ZFPM2: variants seen among roughly 807,000 people sequenced by gnomAD.
The protein encoded by ZFPM2 is zinc finger protein, FOG family member 2.
Under a neutral mutation model 98.6 loss-of-function variants are expected in ZFPM2, and 20 were observed. That is an observed-to-expected ratio of 0.20 (90% CI 0.14 to 0.29). The LOEUF (loss-of-function observed/expected upper bound fraction) is 0.29, where lower values mean the gene tolerates loss of function less well. ZFPM2 is among the 10% of genes least tolerant of loss of function. ZFPM2 has a pLI of 1.00. For synonymous variants in ZFPM2, 518 were observed against 502.7 expected, an observed-to-expected ratio of 1.03 and a Z score of -0.41; for missense variants, 1,310 against 1,388.6, an observed-to-expected ratio of 0.94 and a Z score of 0.90.
chr8:105,327,446 C>G (rs889845486), intron 1 of ZFPM2, among the ~76,000 whole-genome samples: 2 of 151,530 alleles, frequency 1.3e-5, no homozygotes, highest in Non-Finnish European at 3.0e-5. Context: ...AAACTATTTG[C>G]TTCACTGTGG....
chr8:105,356,705 T>G (rs769561272), intron 1 of ZFPM2, among the ~76,000 whole-genome samples: 11 of 152,222 alleles, frequency 7.2e-5, no homozygotes, highest in Non-Finnish European at 1.2e-4. Context: ...TTTAGTTTGT[T>G]TTGTTTTCTC....
At chr8:105,705,447 C>T (rs1227620274) in intron 5 of ZFPM2, among the ~76,000 whole-genome samples, 1 of 152,130 alleles carries the variant, frequency 6.6e-6, no homozygotes, top group Non-Finnish European at 1.5e-5. Context: ...CCCAAATTCT[C>T]ATTCTACCTA....
intron 1 of ZFPM2, among the ~76,000 whole-genome samples, chr8:105,383,375 G>T (rs990924122): frequency 4.6e-5 from 7 of 152,136 alleles, no homozygotes; most frequent in African/African-American, 1.7e-4. Flanking sequence ...AGCATACAGA[G>T]TTACAGTCAA....
chr8:105,487,490 G>C (rs1458543185), intron 3 of ZFPM2, among the ~76,000 whole-genome samples: 1 of 152,014 alleles, frequency 6.6e-6, no homozygotes, highest in Non-Finnish European at 1.5e-5. Flanking sequence ...AAACTCCATG[G>C]TTCTACAGAA....
intron 5 of ZFPM2, among the ~76,000 whole-genome samples, chr8:105,763,685 A>G (rs1812787249): frequency 6.6e-6 from 1 of 151,914 alleles, no homozygotes; most frequent in South Asian, 2.1e-4. Context: ...AGATTGTCCA[A>G]GGTCACATAG....
intron 1 of ZFPM2, among the ~76,000 whole-genome samples, chr8:105,408,286 CT>C (rs1280644397): frequency 2.0e-5 from 3 of 151,734 alleles, no homozygotes; most frequent in African/African-American, 7.3e-5. Context: ...AAGTAAAAGT[CT>C]TTTTGAAGAT....
intron 2 of ZFPM2, among the ~76,000 whole-genome samples, chr8:105,421,364 G>A: frequency 6.6e-6 from 1 of 152,028 alleles, no homozygotes; most frequent in Non-Finnish European, 1.5e-5. Context: ...AGATAATTCT[G>A]TAATGTTTAA....
At chr8:105,539,276 A>G (rs1241220874) in intron 3 of ZFPM2, among the ~76,000 whole-genome samples, 2 of 152,194 alleles carry the variant, frequency 1.3e-5, no homozygotes, top group African/African-American at 4.8e-5. Flanking sequence ...GACACCATAA[A>G]TGGTAATACA....
At chr8:105,768,469 A>G (rs2131085784) in intron 5 of ZFPM2, among the ~76,000 whole-genome samples, 1 of 152,060 alleles carries the variant, frequency 6.6e-6, no homozygotes, top group South Asian at 2.1e-4. Flanking sequence ...CACACTTCAC[A>G]TGTGAATTAC....
intron 5 of ZFPM2, among the ~76,000 whole-genome samples, chr8:105,693,755 A>T (rs1283535269): frequency 6.6e-6 from 1 of 152,026 alleles, no homozygotes; most frequent in Non-Finnish European, 1.5e-5. Flanking sequence ...AATTTTTAAA[A>T]TTTTAGTTAT....
intron 1 of ZFPM2, among the ~76,000 whole-genome samples, chr8:105,369,634 C>A (rs1212886994): frequency 6.6e-6 from 1 of 152,066 alleles, no homozygotes; most frequent in Admixed American, 6.6e-5. Context: ...ACAATCTTCT[C>A]TTTGTTCTGT....
intron 3 of ZFPM2, among the ~76,000 whole-genome samples, chr8:105,554,236 G>A (rs1814931947): frequency 1.3e-5 from 2 of 152,104 alleles, no homozygotes; most frequent in East Asian, 1.9e-4. Flanking sequence ...GTCTCAAAAT[G>A]CAGATGAAAC....
intron 3 of ZFPM2, among the ~76,000 whole-genome samples, chr8:105,487,582 C>T (rs1202263586): frequency 5.3e-5 from 8 of 152,076 alleles, no homozygotes; most frequent in African/African-American, 1.9e-4. Flanking sequence ...GCAAATGCAG[C>T]AGTAGACCAT....
chr8:105,560,828 A>T (rs1049348469), intron 3 of ZFPM2, among the ~76,000 whole-genome samples: 3 of 152,186 alleles, frequency 2.0e-5, no homozygotes, highest in African/African-American at 7.2e-5. Context: ...CCAAATACAG[A>T]AAAACAAGTA....
rs1203807048 is a variant in ZFPM2, at chr8:105,804,274, C to A, written c.*736C>A. On this transcript the variant is annotated 3_prime_UTR_variant, in exon 8 of 8. Transcript: ENST00000407775. ...AATGCAATACTTTATAAAGAATGAACAAAATTACTGGAAGCAGTATTGTAA... is the reference window on the plus strand; with the variant it reads ...AATGCAATACTTTATAAAGAATGAAAAAAATTACTGGAAGCAGTATTGTAA... 6.6e-6 allele frequency: 1 copy of A among 152,528 alleles called. No homozygotes were observed. The highest frequency in any genetic ancestry group is 1.5e-5 in the Non-Finnish European group (1 of 68,024). The allele number at this position is 152,528 out of a possible 1,614,324, so 9.4% of individuals were successfully genotyped here.
intron 1 of ZFPM2, among the ~76,000 whole-genome samples, chr8:105,342,458 C>G (rs1367501385): frequency 2.6e-5 from 4 of 151,990 alleles, no homozygotes; most frequent in Non-Finnish European, 5.9e-5. Context: ...AATAAAAAGA[C>G]TCAGAGCAGA....
intron 4 of ZFPM2, among the ~76,000 whole-genome samples, chr8:105,572,549 C>A (rs1299201359): frequency 6.6e-6 from 1 of 151,766 alleles, no homozygotes; most frequent in African/African-American, 2.4e-5. Flanking sequence ...TTCACCACAA[C>A]CTCCGCCTCC....
chr8:105,360,507 T>C (rs1263784982), intron 1 of ZFPM2, among the ~76,000 whole-genome samples: 1 of 152,152 alleles, frequency 6.6e-6, no homozygotes, highest in Non-Finnish European at 1.5e-5. Context: ...AGTTTTAGGG[T>C]ACATGCGCAC....
chr8:105,498,702 T>C (rs1813526675), intron 3 of ZFPM2, among the ~76,000 whole-genome samples: 2 of 152,170 alleles, frequency 1.3e-5, no homozygotes, highest in South Asian at 4.1e-4. Context: ...TTCGATGCTA[T>C]GAGAAAGCTC....
Sources: allele counts gnomAD v4.1 joint callset (sites outside exome capture counted in the v4.1 genomes callset), GRCh38; gene constraint gnomAD v4.1.1; transcripts MANE v1.5; gene names NCBI Gene and HGNC (gene_info 2026-07-23, HGNC 2026-07-21).